Variants in TTK observed in about 807,000 individuals in gnomAD.
TTK encodes dual specificity protein kinase TTK.
A neutral mutation model predicts 117.3 loss-of-function variants in TTK; 59 were observed. The observed-to-expected ratio is 0.50, with a 90% CI of 0.41 to 0.62. The LOEUF (loss-of-function observed/expected upper bound fraction) is 0.62. TTK is among the 20% of genes least tolerant of loss of function. The probability of loss-of-function intolerance (pLI) is 0.00; values close to 1 mark genes in which losing one functional copy is unlikely to be tolerated. For missense variants in TTK, 921 were observed against 989.4 expected (o/e 0.93, Z 0.93); for synonymous variants, 302 against 325.0 (o/e 0.93, Z 0.76).
At chr6:80,008,240 AT>A (rs1018560968) in intron 3 of TTK, 145 bp from the exon 4 acceptor site, 6 of 1,013,756 alleles carry the variant, frequency 5.9e-6, no homozygotes, top group South Asian at 1.7e-5. Context: ...GCCTAAAAAG[AT>A]TTTTTTAAAA....
At chr6:80,017,110 T>C (rs1686890131) in intron 10 of TTK, among the ~76,000 whole-genome samples, 1 of 152,202 alleles carries the variant, frequency 6.6e-6, no homozygotes, top group Admixed American at 6.5e-5. Flanking sequence ...TGTTTACATA[T>C]GTGTAAGATC....
chr6:80,025,120 C>G (rs1042717323), intron 11 of TTK, among the ~76,000 whole-genome samples: 1 of 152,190 alleles, frequency 6.6e-6, no homozygotes, highest in African/African-American at 2.4e-5. Context: ...CCACCTACTC[C>G]TTATATCCTC....
Position 80,010,868 on chromosome 6 carries a change from T to C in TTK, c.524T>C (p.Val175Ala). ...LLQKAVERGAVPLEMLEIALR... is the reference protein window; with the variant it reads ...LLQKAVERGAAPLEMLEIALR... ...CAAAAAGCTGTAGAACGTGGAGCAG[T>C]ACCACTAGAAATGCTGGAAATTGCC... Residue 175 changes from valine to alanine, a missense_variant, in exon 5 of 22, where the codon GTA (valine) becomes GCA (alanine). By Grantham distance (64) the Val-to-Ala change is moderately conservative. Coordinates refer to ENST00000369798, the MANE Select transcript of TTK (RefSeq NM_003318.5). 1 of 1,612,592 alleles carries C rather than the reference T, an allele frequency of 6.2e-7. No homozygotes were observed. Among genetic ancestry groups the C allele is most frequent in the African/African-American group, 1.3e-5 (1 of 74,968 alleles).
intron 13 of TTK, among the ~76,000 whole-genome samples, chr6:80,030,020 G>T (rs920484383): frequency 1.3e-5 from 2 of 152,094 alleles, no homozygotes; most frequent in African/African-American, 4.8e-5. Flanking sequence ...ATGTTTAGAA[G>T]CCCAATACTT....
chr6:80,016,177 A>G (rs1025971010), intron 10 of TTK, among the ~76,000 whole-genome samples: 1 of 152,194 alleles, frequency 6.6e-6, no homozygotes, highest in African/African-American at 2.4e-5. Flanking sequence ...TAATGCTGCT[A>G]TGAATATTTT....
chr6:80,008,262 G>C, intron 3 of TTK, 124 bp from the exon 4 acceptor site: 2 of 1,052,210 alleles, frequency 1.9e-6, no homozygotes, highest in Non-Finnish European at 2.7e-6. Context: ...TAACTTATTA[G>C]TATTTAATTT....
intron 11 of TTK, among the ~76,000 whole-genome samples, chr6:80,025,437 T>G (rs1397318707): frequency 6.6e-6 from 1 of 152,218 alleles, no homozygotes; most frequent in African/African-American, 2.4e-5. Context: ...TAAACCAATA[T>G]AATCCAAATT....
At chr6:80,007,313 TG>T (rs1184331031) in intron 2 of TTK, among the ~76,000 whole-genome samples, 1 of 152,152 alleles carries the variant, frequency 6.6e-6, no homozygotes, top group Non-Finnish European at 1.5e-5. Context: ...CAAGTAAGTA[TG>T]AGGTATACAG....
rs1438423033 is a variant in TTK at position 80,024,717 on chromosome 6, C to G, written c.1258-1661C>G. On this transcript the variant is annotated intron_variant, in intron 11 of 21. Coordinates refer to ENST00000369798, the MANE Select transcript of TTK (RefSeq NM_003318.5). ...CTGTGAACCACTGAGCAACTAAAAACCATTGAATAGTACACGTAGAAAGAA... is the reference window on the plus strand; with the variant it reads ...CTGTGAACCACTGAGCAACTAAAAAGCATTGAATAGTACACGTAGAAAGAA... 3.3e-5 allele frequency among the ~76,000 whole-genome samples: 5 copies of G among 152,118 alleles called. No homozygotes were observed. The East Asian group carries it at 9.6e-4, about 29-fold the overall frequency.
intron 12 of TTK, 51 bp from the exon 13 acceptor site, chr6:80,027,834 T>A: frequency 7.3e-7 from 1 of 1,366,616 alleles, no homozygotes; most frequent in Non-Finnish European, 9.8e-7. Flanking sequence ...TGAATCAGAC[T>A]TATTTGTTAA....
chr6:80,026,326 A>C, intron 11 of TTK, 52 bp from the exon 12 acceptor site: 1 of 1,566,072 alleles, frequency 6.4e-7, no homozygotes, highest in Non-Finnish European at 8.6e-7. Context: ...AAAACTAGTG[A>C]ACAGGCAACT....
At chr6:80,006,566 C>A (rs1412692316) in intron 2 of TTK, among the ~76,000 whole-genome samples, 1 of 152,086 alleles carries the variant, frequency 6.6e-6, no homozygotes. Context: ...ATGCTTAAAA[C>A]CATAGTTTCT....
At chr6:80,008,717 C>T (rs1286315666) in intron 4 of TTK, among the ~76,000 whole-genome samples, 7 of 152,022 alleles carry the variant, frequency 4.6e-5, no homozygotes, top group African/African-American at 1.4e-4. Context: ...TGAGCATGAA[C>T]ATTGTGTATG....
At chr6:80,025,227 C>T (rs1453859327) in intron 11 of TTK, among the ~76,000 whole-genome samples, 2 of 152,288 alleles carry the variant, frequency 1.3e-5, no homozygotes, top group East Asian at 3.9e-4. Flanking sequence ...AGCAGTTCCT[C>T]AGTAACATCT....
At chr6:80,018,759 G>A (rs1767382505) in intron 10 of TTK, among the ~76,000 whole-genome samples, 1 of 151,092 alleles carries the variant, frequency 6.6e-6, no homozygotes, top group Non-Finnish European at 1.5e-5. Flanking sequence ...TGCCATTCTT[G>A]TCTCATTCCT....
In TTK at chr6:80,042,269, C is replaced by A; in HGVS notation, c.*67C>A. 1 of 1,243,914 alleles carries A rather than the reference C, an allele frequency of 8.0e-7. No homozygotes were observed. Among genetic ancestry groups the A allele is most frequent in the Non-Finnish European group, 1.1e-6 (1 of 889,278 alleles). 77.1% of individuals were successfully genotyped at this position (1,243,914 alleles called of 1,614,324 possible). A position where few individuals can be genotyped will look rare whatever the true frequency, so the allele number is the denominator to read the frequency against. Reference sequence around the variant, plus strand: ...ATTGGACTGTTATACTCTTGAATCCCTGTGGAAATCTACATTTGAAGACAA... The same window carrying A: ...ATTGGACTGTTATACTCTTGAATCCATGTGGAAATCTACATTTGAAGACAA... On this transcript the variant is annotated 3_prime_UTR_variant, in exon 22 of 22. Coordinates refer to ENST00000369798, the MANE Select transcript of TTK (RefSeq NM_003318.5).
chr6:80,033,356 C>A (rs920208945), intron 14 of TTK, among the ~76,000 whole-genome samples: 1 of 152,172 alleles, frequency 6.6e-6, no homozygotes, highest in Admixed American at 6.6e-5. Flanking sequence ...AACTTCAACT[C>A]CCACCTTTCA....
chr6:80,019,006 G>A (rs900853633), intron 10 of TTK, among the ~76,000 whole-genome samples: 5 of 152,194 alleles, frequency 3.3e-5, no homozygotes, highest in African/African-American at 1.2e-4. Flanking sequence ...ACTTTCAAAT[G>A]TTAATCAAAC....
chr6:80,022,645 T>C (rs150865809), intron 11 of TTK, among the ~76,000 whole-genome samples, 173 bp downstream of exon 11: 29 of 152,360 alleles, frequency 1.9e-4, no homozygotes, highest in African/African-American at 6.7e-4. Flanking sequence ...AGTCATACGT[T>C]CAGTAAGTCA....
Sources: allele counts gnomAD v4.1 joint callset (sites outside exome capture counted in the v4.1 genomes callset), GRCh38; gene constraint gnomAD v4.1.1; transcripts MANE v1.5; gene names NCBI Gene and HGNC (gene_info 2026-07-23, HGNC 2026-07-21).